Variants in EXOC4 observed in about 807,000 individuals in gnomAD.
EXOC4 encodes SEC8-like 1.
EXOC4 carries 71 observed loss-of-function variants against 107.2 expected under a neutral mutation model. The observed-to-expected ratio is 0.66, with a 90% CI of 0.55 to 0.81. The LOEUF (loss-of-function observed/expected upper bound fraction) is 0.81. Ranked by LOEUF, EXOC4 falls within the 30% of genes least tolerant of loss-of-function variation. The pLI is 0.00. For missense variants in EXOC4, 1,108 were observed against 1,189.6 expected, an observed-to-expected ratio of 0.93 and a Z score of 1.01; for synonymous variants, 456 against 441.2, an observed-to-expected ratio of 1.03 and a Z score of -0.42.
At chr7:133,956,236 A>G (rs1000782142) in intron 14 of EXOC4, among the ~76,000 whole-genome samples, 2 of 152,148 alleles carry the variant, frequency 1.3e-5, no homozygotes, top group Admixed American at 6.5e-5. Context: ...GTAGCTGATA[A>G]TATGACATAA....
At chr7:133,536,161 G>T (rs892117388) in intron 9 of EXOC4, among the ~76,000 whole-genome samples, 2 of 152,126 alleles carry the variant, frequency 1.3e-5, no homozygotes, top group African/African-American at 4.8e-5. Context: ...CATAAAATAG[G>T]GGTTGGTTGT....
chr7:133,657,869 C>G (rs1045799376), intron 10 of EXOC4, among the ~76,000 whole-genome samples: 3 of 152,150 alleles, frequency 2.0e-5, no homozygotes, highest in African/African-American at 7.2e-5. Flanking sequence ...ATTCAGCAAT[C>G]AATTACTGAA....
intron 11 of EXOC4, among the ~76,000 whole-genome samples, chr7:133,866,354 C>G (rs1284722808): frequency 6.6e-6 from 1 of 152,060 alleles, no homozygotes; most frequent in East Asian, 1.9e-4. Context: ...GCTCAGGATG[C>G]CCTGGGCCTT....
At chr7:133,718,270 A>G (rs560771946) in intron 10 of EXOC4, among the ~76,000 whole-genome samples, 1 of 152,318 alleles carries the variant, frequency 6.6e-6, no homozygotes, top group South Asian at 2.1e-4. Flanking sequence ...CCACAGGGCA[A>G]GAATGAGGAA....
intron 11 of EXOC4, among the ~76,000 whole-genome samples, chr7:133,888,372 G>A (rs1300520223): frequency 6.6e-6 from 1 of 150,396 alleles, no homozygotes; most frequent in Non-Finnish European, 1.5e-5. Flanking sequence ...GCTTACCATA[G>A]CCTATGTAAT....
At chr7:133,977,668 T>G (rs935249939) in intron 14 of EXOC4, among the ~76,000 whole-genome samples, 1 of 152,154 alleles carries the variant, frequency 6.6e-6, no homozygotes, top group Non-Finnish European at 1.5e-5. Flanking sequence ...TGGGTTGGTT[T>G]GTTTTGTTGT....
At chr7:133,766,210 G>A (rs536123261) in intron 10 of EXOC4, among the ~76,000 whole-genome samples, 3 of 152,060 alleles carry the variant, frequency 2.0e-5, no homozygotes, top group African/African-American at 7.2e-5. Context: ...TAATTACTAT[G>A]TAAGAACTAT....
At chr7:134,081,401 A>G in the EXOC4 span, among the ~76,000 whole-genome samples, 4 of 152,106 alleles carry the variant, frequency 2.6e-5, no homozygotes, top group East Asian at 7.7e-4. Flanking sequence ...CCCACAGCCT[A>G]TACTTTCTCT....
At chr7:133,523,858 G>A (rs1306267043) in intron 9 of EXOC4, among the ~76,000 whole-genome samples, 1 of 152,044 alleles carries the variant, frequency 6.6e-6, no homozygotes, top group African/African-American at 2.4e-5. Flanking sequence ...GGACATTTGG[G>A]TTGGTTCCAA....
chr7:133,806,450 G>T (rs1433713414), intron 10 of EXOC4, among the ~76,000 whole-genome samples: 7 of 152,210 alleles, frequency 4.6e-5, no homozygotes, highest in Non-Finnish European at 8.8e-5. Flanking sequence ...GGAGCAAGAA[G>T]TCAGGGCTGG....
intron 17 of EXOC4, among the ~76,000 whole-genome samples, chr7:134,024,647 A>G (rs1251975798): frequency 1.3e-5 from 2 of 152,106 alleles, no homozygotes; most frequent in African/African-American, 2.4e-5. Flanking sequence ...ATTCCCCACA[A>G]CCTGGTCTTG....
At chr7:133,652,553 A>G (rs1472036066) in intron 10 of EXOC4, among the ~76,000 whole-genome samples, 5 of 152,102 alleles carry the variant, frequency 3.3e-5, no homozygotes, top group African/African-American at 1.2e-4. Flanking sequence ...AGCCATATAA[A>G]GAAGAAAGAC....
At chr7:133,587,046 C>A (rs964336240) in intron 9 of EXOC4, among the ~76,000 whole-genome samples, 2 of 151,886 alleles carry the variant, frequency 1.3e-5, no homozygotes, top group Non-Finnish European at 2.9e-5. Flanking sequence ...ATTGGCCAGG[C>A]TGGTCTCAAA....
rs771444968 is a variant in EXOC4 at position 133,817,377 on chromosome 7, C to A, written c.1567C>A (p.Pro523Thr). 1.9e-6 allele frequency: 3 copies of A among 1,613,942 alleles called. No homozygotes were observed. The African/African-American group carries it at 4.0e-5, about 22-fold the overall frequency. Reference sequence around the variant, plus strand: ...GGGTCTTGGCCCAGCCAAACAGTGTCCTCTTCGAGAGTTTCTCACCGTGTA... The same window carrying A: ...GGGTCTTGGCCCAGCCAAACAGTGTACTCTTCGAGAGTTTCTCACCGTGTA... The part of the protein sequence containing the change: ...ALGLGPAKQC[P>T]LREFLTVYIK... Residue 523 changes from proline to threonine, a missense_variant, in exon 11 of 18, where the codon CCT becomes ACT. Coordinates refer to ENST00000253861, the MANE Select transcript of EXOC4 (RefSeq NM_021807.4).
chr7:133,549,736 C>T (rs1258275782), intron 9 of EXOC4, among the ~76,000 whole-genome samples: 1 of 152,158 alleles, frequency 6.6e-6, no homozygotes, highest in African/African-American at 2.4e-5. Context: ...CTTCAAAAAA[C>T]ATGTGCTGGT....
intron 10 of EXOC4, among the ~76,000 whole-genome samples, chr7:133,665,174 C>A (rs955536496): frequency 6.6e-6 from 1 of 152,178 alleles, no homozygotes; most frequent in African/African-American, 2.4e-5. Flanking sequence ...GGAATCTATA[C>A]TGATTTCTTC....
intron 2 of EXOC4, among the ~76,000 whole-genome samples, chr7:133,285,949 A>C (rs184055538): frequency 2.0e-3 from 298 of 152,204 alleles, no homozygotes; most frequent in Non-Finnish European, 2.9e-3. Flanking sequence ...TGGTGGAGAC[A>C]GTGTCTCCCT....
At chr7:133,749,454 A>C (rs145439133) in intron 10 of EXOC4, among the ~76,000 whole-genome samples, 183 of 152,244 alleles carry the variant, frequency 1.2e-3, no homozygotes, top group African/African-American at 4.3e-3. Context: ...GTGCAGCAGC[A>C]TGATCTCGGC....
At chr7:134,045,652 T>G (rs1795632976) in intron 17 of EXOC4, among the ~76,000 whole-genome samples, 1 of 152,240 alleles carries the variant, frequency 6.6e-6, no homozygotes, top group South Asian at 2.1e-4. Context: ...TTAACCCTTT[T>G]AACGTATGCA....
Sources: allele counts gnomAD v4.1 joint callset (sites outside exome capture counted in the v4.1 genomes callset), GRCh38; gene constraint gnomAD v4.1.1; transcripts MANE v1.5; gene names NCBI Gene and HGNC (gene_info 2026-07-23, HGNC 2026-07-21).